SRP72: variants seen among roughly 807,000 people sequenced by gnomAD.
The protein encoded by SRP72 is signal recognition particle 72, also known as signal recognition particle subunit SRP72.
SRP72 carries 49 observed loss-of-function variants against 96.3 expected under a neutral mutation model. The observed-to-expected ratio is 0.51, with a 90% CI of 0.40 to 0.65. The LOEUF (loss-of-function observed/expected upper bound fraction) is 0.65, where lower values mean the gene tolerates loss of function less well. SRP72 is among the 30% of genes least tolerant of loss of function. SRP72 has a pLI of 0.00. For missense variants in SRP72, 736 were observed against 793.3 expected (o/e 0.93, Z 0.87); for synonymous variants, 267 against 275.2 (o/e 0.97, Z 0.30).
At chr4:56,481,768 CTTT>C (rs71194110) in intron 8 of SRP72, among the ~76,000 whole-genome samples, 4 of 122,588 alleles carry the variant, frequency 3.3e-5, no homozygotes, top group Admixed American at 8.3e-5. Flanking sequence ...CTGTTGGCTC[CTTT>C]TTTTTTTTTT....
At chr4:56,491,156 T>C (rs1015889119) in intron 15 of SRP72, among the ~76,000 whole-genome samples, 4 of 152,154 alleles carry the variant, frequency 2.6e-5, no homozygotes, top group Non-Finnish European at 5.9e-5. Flanking sequence ...GGAATAGAGT[T>C]TGTATTAAGC....
intron 18 of SRP72, 27 bp from the exon 19 acceptor site, chr4:56,501,657 T>C: frequency 6.2e-7 from 1 of 1,605,202 alleles, no homozygotes; most frequent in Non-Finnish European, 8.5e-7. Context: ...AATATATGAG[T>C]GACCAAAAAT....
chr4:56,491,824 A>T, intron 16 of SRP72: 2 of 294,982 alleles, frequency 6.8e-6, no homozygotes, highest in Non-Finnish European at 1.2e-5. Flanking sequence ...GTTTACAAAT[A>T]TTTTCTTTAA....
At chr4:56,494,074 G>A (rs1256669886) in intron 16 of SRP72, among the ~76,000 whole-genome samples, 2 of 152,142 alleles carry the variant, frequency 1.3e-5, no homozygotes, top group African/African-American at 4.8e-5. Flanking sequence ...TAGGCAAAGG[G>A]TGAGCTAAGG....
rs370369460 is a variant in SRP72, at chr4:56,474,210, G to T, written c.498+13G>T. 1 of 1,613,972 alleles carries T rather than the reference G, an allele frequency of 6.2e-7. No individual in the cohort carries two copies. Among genetic ancestry groups the T allele is most frequent in the Non-Finnish European group, 8.5e-7 (1 of 1,179,996 alleles). ...AAAAGTGGTTCCAGTGAGTATCCTT[G>T]TGGTGTACCCATACAGTCATGAATT... On this transcript the variant is annotated intron_variant, in intron 4 of 18. Transcript: ENST00000642900.
At chr4:56,477,401 C>A (rs1720288379) in intron 6 of SRP72, among the ~76,000 whole-genome samples, 1 of 148,552 alleles carries the variant, frequency 6.7e-6, no homozygotes, top group Non-Finnish European at 1.5e-5. Flanking sequence ...AACTCCTGGG[C>A]TCAAGCAATC....
intron 5 of SRP72, 79 bp from the exon 6 acceptor site, chr4:56,476,592 T>G: frequency 6.8e-7 from 1 of 1,463,022 alleles, no homozygotes; most frequent in Non-Finnish European, 9.5e-7. Flanking sequence ...CTTAGGAATT[T>G]AGATCTTGCT....
rs989627364 is a variant in SRP72, at chr4:56,502,391, A to G, written c.*530A>G. 6.7e-6 allele frequency: 1 copy of G among 150,016 alleles called. No individual in the cohort carries two copies. Among genetic ancestry groups the G allele is most frequent in the African/African-American group, 2.5e-5 (1 of 40,592 alleles). 9.3% of individuals were successfully genotyped at this position (150,016 alleles called of 1,614,324 possible). A position where few individuals can be genotyped will look rare whatever the true frequency, so the allele number is the denominator to read the frequency against. ...CTAAATGGATGGCCACAAGAAAAAT[A>G]AAGTAAATGTCTTAAATAATTTAAC... On this transcript the variant is annotated 3_prime_UTR_variant, in exon 19 of 19. Coordinates refer to ENST00000642900, the MANE Select transcript of SRP72 (RefSeq NM_006947.4).
intron 3 of SRP72, among the ~76,000 whole-genome samples, chr4:56,473,520 G>A (rs946345068): frequency 1.3e-5 from 2 of 151,524 alleles, no homozygotes; most frequent in Admixed American, 1.3e-4. Context: ...TGTAATCCCA[G>A]CACTTTGGGA....
chr4:56,489,875 T>C (rs1720847512), intron 13 of SRP72, among the ~76,000 whole-genome samples: 1 of 152,204 alleles, frequency 6.6e-6, no homozygotes, highest in Non-Finnish European at 1.5e-5. Flanking sequence ...CTCTATCTAG[T>C]AGGAATATCT....
chr4:56,471,692 CAG>C, intron 2 of SRP72, 26 bp from the exon 3 acceptor site: 1 of 1,609,462 alleles, frequency 6.2e-7, no homozygotes, highest in Non-Finnish European at 8.5e-7. Flanking sequence ...AGATAATAAT[CAG>C]ATACTGTTTT....
At chr4:56,486,429 T>A (rs1043347513) in intron 11 of SRP72, 32 bp downstream of exon 11, 3 of 1,529,816 alleles carry the variant, frequency 2.0e-6, no homozygotes, top group Non-Finnish European at 2.7e-6. Context: ...TTAAAATATT[T>A]TAATGAAAAC....
chr4:56,477,882 C>A (rs1484871607), intron 6 of SRP72, among the ~76,000 whole-genome samples: 1 of 152,102 alleles, frequency 6.6e-6, no homozygotes, highest in African/African-American at 2.4e-5. Flanking sequence ...AGAATTAGTT[C>A]CAGCTTTTGA....
intron 8 of SRP72, among the ~76,000 whole-genome samples, chr4:56,482,858 A>G (rs966974452): frequency 1.3e-5 from 2 of 152,220 alleles, no homozygotes; most frequent in African/African-American, 4.8e-5. Flanking sequence ...AAGCCTTTTT[A>G]TACCTAGGAA....
chr4:56,491,388 G>A (rs923905905), intron 15 of SRP72, 43 bp from the exon 16 acceptor site: 2 of 1,600,444 alleles, frequency 1.2e-6, no homozygotes, highest in African/African-American at 1.3e-5. Flanking sequence ...ATAAATGTGT[G>A]TGTTTGTGTA....
At chr4:56,480,564 C>T (rs1330422457) in intron 8 of SRP72, among the ~76,000 whole-genome samples, 1 of 152,158 alleles carries the variant, frequency 6.6e-6, no homozygotes, top group Non-Finnish European at 1.5e-5. Context: ...CCAGCCAGGA[C>T]AAATTCTTTT....
chr4:56,493,140 C>T (rs917464994), intron 16 of SRP72, among the ~76,000 whole-genome samples: 2 of 151,996 alleles, frequency 1.3e-5, no homozygotes, highest in Admixed American at 1.3e-4. Context: ...TGGGTTCAAG[C>T]AATTCTCCTG....
At chr4:56,483,325 G>T in intron 9 of SRP72, 55 bp downstream of exon 9, 1 of 1,483,636 alleles carries the variant, frequency 6.7e-7, no homozygotes, top group Non-Finnish European at 9.2e-7. Context: ...GGTATATGAG[G>T]AGTAATAGGG....
At chr4:56,495,569 C>T (rs1376006976) in intron 17 of SRP72, among the ~76,000 whole-genome samples, 175 bp downstream of exon 17, 1 of 152,174 alleles carries the variant, frequency 6.6e-6, no homozygotes, top group African/African-American at 2.4e-5. Flanking sequence ...TCGCAATTCA[C>T]TAGTTTGCCT....
Sources: allele counts gnomAD v4.1 joint callset (sites outside exome capture counted in the v4.1 genomes callset), GRCh38; gene constraint gnomAD v4.1.1; transcripts MANE v1.5; gene names NCBI Gene and HGNC (gene_info 2026-07-23, HGNC 2026-07-21).